The following MAMDC2 variants were observed in gnomAD, a reference collection of about 807,000 sequenced individuals.
MAMDC2 encodes the protein MAM domain-containing protein 2.
In MAMDC2, 57 loss-of-function variants were observed where a neutral mutation model predicts 89.8. The observed-to-expected ratio is 0.63, with a 90% CI of 0.51 to 0.79. MAMDC2 has a LOEUF of 0.79. MAMDC2 is among the 30% of genes least tolerant of loss of function. The probability of loss-of-function intolerance (pLI) is 0.00; values close to 1 mark genes in which losing one functional copy is unlikely to be tolerated. For missense variants in MAMDC2, 800 were observed against 820.6 expected (o/e 0.97, Z 0.31); for synonymous variants, 313 against 293.4 (o/e 1.07, Z -0.68).
At chr9:70,186,126 A>G (rs983450378) in intron 11 of MAMDC2, among the ~76,000 whole-genome samples, 5 of 151,236 alleles carry the variant, frequency 3.3e-5, no homozygotes, top group Non-Finnish European at 7.4e-5. Flanking sequence ...TAACTAGCCT[A>G]GTATTTGCTT....
chr9:70,154,416 A>C (rs2031678275), intron 9 of MAMDC2, among the ~76,000 whole-genome samples: 1 of 152,184 alleles, frequency 6.6e-6, no homozygotes, highest in African/African-American at 2.4e-5. Flanking sequence ...ATAGCATAGC[A>C]CCTGAGCAAT....
At chr9:70,058,106 T>C (rs1157212439) in intron 2 of MAMDC2, among the ~76,000 whole-genome samples, 1 of 152,230 alleles carries the variant, frequency 6.6e-6, no homozygotes, top group Non-Finnish European at 1.5e-5. Context: ...AACTTGAAGA[T>C]TCAATAGGAA....
intron 5 of MAMDC2, among the ~76,000 whole-genome samples, chr9:70,123,196 A>C (rs184391691): frequency 9.8e-5 from 15 of 152,330 alleles, no homozygotes; most frequent in African/African-American, 3.4e-4. Flanking sequence ...TTCATTGGTA[A>C]GTCATGTTAC....
chr9:70,131,626 A>AT lies in MAMDC2; in HGVS notation c.994+17dup. 2 of 1,577,310 alleles carry AT rather than the reference A, an allele frequency of 1.3e-6. No individual in the cohort carries two copies. The highest frequency in any genetic ancestry group is 1.7e-4 in the Middle Eastern group (1 of 5,986). ...AGAATCAGACAGGTGAGCATTCTCTATTTGTCATTGCATTTTGGGATGTTC... is the reference window on the plus strand; with the variant it reads ...AGAATCAGACAGGTGAGCATTCTCTATTTTGTCATTGCATTTTGGGATGTTC... On this transcript the variant is annotated intron_variant, in intron 7 of 13. Coordinates refer to ENST00000377182, the MANE Select transcript of MAMDC2 (RefSeq NM_153267.5).
At chr9:70,150,117 T>C (rs982333428) in intron 9 of MAMDC2, among the ~76,000 whole-genome samples, 1 of 152,238 alleles carries the variant, frequency 6.6e-6, no homozygotes, top group Non-Finnish European at 1.5e-5. Flanking sequence ...CAGGAACCCC[T>C]GTCAAGGCTT....
At position 70,113,081 on chromosome 9, in the gene MAMDC2, C is replaced by A; in HGVS notation, c.592C>A (p.Arg198=). 6.2e-7 allele frequency: 1 copy of A among 1,614,054 alleles called. No individual in the cohort carries two copies. Among genetic ancestry groups the A allele is most frequent in the Non-Finnish European group, 8.5e-7 (1 of 1,179,972 alleles). ...CTGGTTTGTTGGAGGAGGAAGTATT[C>A]GGAATGTCCACTCCATTCTCCCACA... ...VNWFVGGGSI[R]NVHSILPQDH... Residue 198 remains arginine (R), a synonymous_variant, in exon 5 of 14, where the codon CGG becomes AGG. Coordinates refer to ENST00000377182, the MANE Select transcript of MAMDC2 (RefSeq NM_153267.5).
chr9:70,180,703 T>C (rs1014463304), intron 11 of MAMDC2, among the ~76,000 whole-genome samples: 1 of 152,162 alleles, frequency 6.6e-6, no homozygotes, highest in Admixed American at 6.5e-5. Context: ...CACTTTTTGA[T>C]GGGGGTTGGT....
intron 7 of MAMDC2, among the ~76,000 whole-genome samples, chr9:70,139,482 G>A (rs1369848818): frequency 1.8e-4 from 26 of 143,008 alleles, no homozygotes; most frequent in South Asian, 6.9e-4. Flanking sequence ...AGTATTCCAT[G>A]GTGTATATGT....
chr9:70,188,784 T>TTTTTTA (rs1554680332), intron 11 of MAMDC2: 3 of 149,018 alleles, frequency 2.0e-5, no homozygotes, highest in Non-Finnish European at 4.4e-5. Context: ...TTTTTTTTTT[T>TTTTTTA]AGAAAGAAGT....
At chr9:70,198,191 CACACACAATAT>C (rs1156931088) in intron 11 of MAMDC2, among the ~76,000 whole-genome samples, 1 of 147,468 alleles carries the variant, frequency 6.8e-6, no homozygotes, top group African/African-American at 2.5e-5. Flanking sequence ...TACACACACA[CACACACAATAT>C]ATAATATATA....
At chr9:70,138,037 T>C (rs1174731459) in intron 7 of MAMDC2, among the ~76,000 whole-genome samples, 1 of 152,188 alleles carries the variant, frequency 6.6e-6, no homozygotes, top group Non-Finnish European at 1.5e-5. Context: ...AAGTAATTTC[T>C]TACCTTCCAT....
intron 5 of MAMDC2, among the ~76,000 whole-genome samples, chr9:70,116,258 C>G (rs566418462): frequency 2.0e-5 from 3 of 152,274 alleles, no homozygotes; most frequent in African/African-American, 4.8e-5. Context: ...TTGGAAGAGG[C>G]AACAGAGCAG....
At chr9:70,165,595 C>T (rs897791414) in intron 9 of MAMDC2, among the ~76,000 whole-genome samples, 2 of 152,174 alleles carry the variant, frequency 1.3e-5, no homozygotes, top group Non-Finnish European at 2.9e-5. Flanking sequence ...ACAACCTAGA[C>T]GTCTGCTATT....
chr9:70,186,142 TTA>T (rs4069792), intron 11 of MAMDC2, among the ~76,000 whole-genome samples: 10,459 of 152,160 alleles, frequency 0.069, 568 homozygotes, highest in East Asian at 0.22. Context: ...TGCTTTATAT[TTA>T]TATGTTTTTT....
chr9:70,212,419 C>A (rs1434140361), intron 11 of MAMDC2, among the ~76,000 whole-genome samples: 1 of 152,238 alleles, frequency 6.6e-6, no homozygotes, highest in African/African-American at 2.4e-5. Context: ...GTTTGGGACC[C>A]TCTGAGCCAG....
chr9:70,181,884 A>ATGCCTGATTCC (rs2032653423), intron 11 of MAMDC2, among the ~76,000 whole-genome samples: 1 of 152,172 alleles, frequency 6.6e-6, no homozygotes, highest in African/African-American at 2.4e-5. Flanking sequence ...CAGAACTTCC[A>ATGCCTGATTCC]ATACTATGTT....
chr9:70,225,696 A>T, intron 12 of MAMDC2, 54 bp from the exon 13 acceptor site: 1 of 1,160,602 alleles, frequency 8.6e-7, no homozygotes, highest in Non-Finnish European at 1.3e-6. Flanking sequence ...TGCCCTGACC[A>T]GCACTGTAAT....
rs1439089106 is a variant in MAMDC2 at position 70,140,302 on chromosome 9, C to A, written c.1138+14C>A. The A allele has an allele frequency of 6.3e-7, 1 of 1,587,282 alleles. No individual in the cohort carries two copies. The highest frequency in any genetic ancestry group is 8.5e-7 in the Non-Finnish European group (1 of 1,170,284). On this transcript the variant is annotated intron_variant, in intron 8 of 13. Coordinates refer to ENST00000377182, the MANE Select transcript of MAMDC2 (RefSeq NM_153267.5). ...CTACAGGCTTAGGTAAATCAGAGATCTGTCTATGTGGGGACATCTTGGGTA... is the reference window on the plus strand; with the variant it reads ...CTACAGGCTTAGGTAAATCAGAGATATGTCTATGTGGGGACATCTTGGGTA...
intron 2 of MAMDC2, among the ~76,000 whole-genome samples, chr9:70,091,451 T>C (rs1423613109): frequency 6.6e-6 from 1 of 152,196 alleles, no homozygotes; most frequent in Non-Finnish European, 1.5e-5. Context: ...AAATACTCTT[T>C]TCACAGATAA....
Sources: gnomAD v4.1 joint callset for allele counts (sites outside exome capture counted in the v4.1 genomes callset) on GRCh38, gnomAD v4.1.1 for gene constraint, MANE v1.5 for transcripts, NCBI Gene and HGNC (gene_info 2026-07-23, HGNC 2026-07-21) for gene names.